The following SLC4A4 variants were observed in gnomAD, a reference collection of about 807,000 sequenced individuals.
The protein encoded by SLC4A4 is solute carrier family 4 member 4, also known as electrogenic sodium bicarbonate cotransporter 1.
SLC4A4 carries 27 observed loss-of-function variants against 111.5 expected under a neutral mutation model. The observed-to-expected ratio is 0.24, with a 90% CI of 0.18 to 0.33. The LOEUF is 0.33. SLC4A4 is among the 10% of genes least tolerant of loss of function. The pLI, the probability that SLC4A4 is intolerant of heterozygous loss-of-function variation, is 1.00. For synonymous variants in SLC4A4, 443 were observed against 463.4 expected, an observed-to-expected ratio of 0.96 and a Z score of 0.57; for missense variants, 909 against 1,315.5, an observed-to-expected ratio of 0.69 and a Z score of 4.78.
chr4:71,154,978 G>A (rs747342849), intron 2 of SLC4A4, among the ~76,000 whole-genome samples: 3 of 151,956 alleles, frequency 2.0e-5, no homozygotes, highest in Non-Finnish European at 4.4e-5. Flanking sequence ...GCTACAATAC[G>A]GTCTAAATTT....
chr4:71,284,849 C>T (rs1374864715), intron 3 of SLC4A4, among the ~76,000 whole-genome samples: 1 of 152,176 alleles, frequency 6.6e-6, no homozygotes, highest in African/African-American at 2.4e-5. Context: ...CCCCTGGTTA[C>T]CTCTGGTTTC....
At chr4:71,288,953 A>C (rs1455621637) in intron 3 of SLC4A4, among the ~76,000 whole-genome samples, 3 of 152,146 alleles carry the variant, frequency 2.0e-5, no homozygotes, top group East Asian at 3.9e-4. Context: ...AGCAGAATAC[A>C]GGCTGGTTCT....
At chr4:71,553,963 T>C (rs1339468693) in intron 20 of SLC4A4, among the ~76,000 whole-genome samples, 2 of 151,896 alleles carry the variant, frequency 1.3e-5, no homozygotes, top group Admixed American at 1.3e-4. Context: ...ATTTGATGTT[T>C]TGTATATATA....
At chr4:71,211,385 C>G (rs1190142067) in intron 1 of SLC4A4, among the ~76,000 whole-genome samples, 3 of 152,066 alleles carry the variant, frequency 2.0e-5, no homozygotes, top group Non-Finnish European at 4.4e-5. Flanking sequence ...TGTGAAACTC[C>G]AAATAATTTG....
rs201621865 is a variant in SLC4A4 at position 71,103,156 on chromosome 4, G to A, written c.-2+10364G>A. 7.4e-4 allele frequency among the ~76,000 whole-genome samples: 112 copies of A among 151,660 alleles called. 1 individual carries two copies. In the East Asian group the frequency reaches 0.019, roughly 26 times the overall value. ...ATAAAACAGACTTTAAACCAACAAA[G>A]ATCAAAAGAGACAAAGAAGGCCATT... is the stretch of plus-strand genomic sequence containing the variant. On this transcript the variant is annotated intron_variant, in intron 2 of 26. Coordinates refer to the SLC4A4 transcript ENST00000649996.
At chr4:71,273,039 A>T (rs772018244) in intron 3 of SLC4A4, among the ~76,000 whole-genome samples, 1 of 152,236 alleles carries the variant, frequency 6.6e-6, no homozygotes, top group Non-Finnish European at 1.5e-5. Flanking sequence ...CACGTCTACC[A>T]TCACTACAAT....
intron 1 of SLC4A4, among the ~76,000 whole-genome samples, chr4:71,089,370 A>G (rs1177325171): frequency 6.6e-6 from 1 of 151,680 alleles, no homozygotes; most frequent in Non-Finnish European, 1.5e-5. Context: ...GTGTAGTTTG[A>G]TTGTCTGAAG....
At chr4:71,372,510 T>A (rs1216819422) in intron 6 of SLC4A4, among the ~76,000 whole-genome samples, 1 of 152,210 alleles carries the variant, frequency 6.6e-6, no homozygotes, top group Non-Finnish European at 1.5e-5. Flanking sequence ...TCTTAGCGCT[T>A]ATCTGTGAAT....
At chr4:71,484,365 G>T (rs1475878739) in intron 14 of SLC4A4, among the ~76,000 whole-genome samples, 1 of 151,800 alleles carries the variant, frequency 6.6e-6, no homozygotes, top group Non-Finnish European at 1.5e-5. Context: ...GCATAAGGAA[G>T]AGGTCCAGTT....
chr4:71,335,973 T>C (rs1160159224), intron 3 of SLC4A4, among the ~76,000 whole-genome samples: 1 of 152,242 alleles, frequency 6.6e-6, no homozygotes, highest in African/African-American at 2.4e-5. Flanking sequence ...AATTTACTTA[T>C]TTATTTAAAG....
intron 23 of SLC4A4, among the ~76,000 whole-genome samples, chr4:71,560,787 T>G (rs1013150992): frequency 1.3e-5 from 2 of 151,806 alleles, no homozygotes; most frequent in Non-Finnish European, 2.9e-5. Flanking sequence ...TTTCTGTAGT[T>G]CTTCAATAAA....
chr4:71,158,527 A>C lies in SLC4A4; in HGVS notation c.-2+65735A>C, dbSNP rs561769250. 3.3e-5 allele frequency among the ~76,000 whole-genome samples: 5 copies of C among 152,270 alleles called. 1 individual carries two copies. Among genetic ancestry groups the C allele is most frequent in the African/African-American group, 1.2e-4 (5 of 41,574 alleles). ...CCCCCAAATTCAAGTGATGGTTTCT[A>C]TGGTGACTTTCCCTCAGCCACTTAC... On this transcript the variant is annotated intron_variant, in intron 2 of 26. Transcript: ENST00000649996.
intron 15 of SLC4A4, among the ~76,000 whole-genome samples, chr4:71,494,753 G>A (rs1730247889): frequency 6.6e-6 from 1 of 151,986 alleles, no homozygotes; most frequent in African/African-American, 2.4e-5. Flanking sequence ...TGAGTTAAGG[G>A]TCTCCTGTAT....
At position 71,362,847 on chromosome 4, in the gene SLC4A4, T is replaced by C. The variant is rs900196773; in HGVS notation, c.730+5660T>C. On this transcript the variant is annotated intron_variant, in intron 6 of 25. Transcript: ENST00000264485. Reference sequence around the variant, plus strand: ...CAAGGAGAGCGGCTGGCTCCTAGGCTTCTTGCTGCTTTCCCCATGCCTTCT... The same window carrying C: ...CAAGGAGAGCGGCTGGCTCCTAGGCCTCTTGCTGCTTTCCCCATGCCTTCT... Among the ~76,000 whole-genome samples, 2 of 152,212 alleles carry C rather than the reference T, an allele frequency of 1.3e-5. 1 individual carries two copies. The highest frequency in any genetic ancestry group is 2.9e-5 in the Non-Finnish European group (2 of 68,040).
chr4:71,483,247 GTTTTAAAGATTA>G (rs1274547972), intron 14 of SLC4A4, among the ~76,000 whole-genome samples: 1 of 151,628 alleles, frequency 6.6e-6, no homozygotes, highest in East Asian at 2.0e-4. Flanking sequence ...ATGGGGGGTT[GTTTTAAAGATTA>G]TTTCATCACC....
At chr4:71,160,464 G>A (rs939170199) in intron 2 of SLC4A4, among the ~76,000 whole-genome samples, 2 of 151,884 alleles carry the variant, frequency 1.3e-5, no homozygotes, top group Admixed American at 6.6e-5. Context: ...CATGTGGAAC[G>A]CTTTCATTTC....
chr4:71,307,404 G>A (rs920216602), intron 3 of SLC4A4, among the ~76,000 whole-genome samples: 2 of 152,186 alleles, frequency 1.3e-5, no homozygotes, highest in African/African-American at 4.8e-5. Flanking sequence ...GAAAACACAG[G>A]TGTTGTCTGG....
At chr4:71,423,285 T>G (rs1448407608) in intron 7 of SLC4A4, among the ~76,000 whole-genome samples, 2 of 152,116 alleles carry the variant, frequency 1.3e-5, no homozygotes, top group African/African-American at 4.8e-5. Flanking sequence ...TTACAAGGGA[T>G]GTGAAGGACC....
chr4:71,177,794 T>C (rs550612907), intron 2 of SLC4A4, among the ~76,000 whole-genome samples: 102 of 152,188 alleles, frequency 6.7e-4, no homozygotes, highest in African/African-American at 2.4e-3. Flanking sequence ...AACAAGGATA[T>C]CCAGGAATTG....
Sources: allele counts gnomAD v4.1 joint callset (sites outside exome capture counted in the v4.1 genomes callset), GRCh38; gene constraint gnomAD v4.1.1; transcripts MANE v1.5; gene names NCBI Gene and HGNC (gene_info 2026-07-23, HGNC 2026-07-21).